The following DECR1 variants were observed in gnomAD, a reference collection of about 807,000 sequenced individuals.
DECR1 encodes the protein 2,4-dienoyl-CoA reductase 1.
In DECR1, 44 loss-of-function variants were observed where a neutral mutation model predicts 38.8. The ratio of observed to expected loss-of-function variants is 1.13; its 90% CI spans 0.89 to 1.46. DECR1 has a LOEUF of 1.46. DECR1 is among the 40% of genes most tolerant of loss of function. The pLI is 0.00. For synonymous variants in DECR1, 148 were observed against 135.2 expected, an observed-to-expected ratio of 1.09 and a Z score of -0.66; for missense variants, 428 against 405.5, an observed-to-expected ratio of 1.06 and a Z score of -0.48.
In DECR1 at chr8:90,036,959, A is replaced by G. The variant is rs1384230876; in HGVS notation, c.665+19A>G. The G allele has an allele frequency of 6.4e-7, 1 of 1,562,190 alleles. No homozygotes were observed. Among genetic ancestry groups the G allele is most frequent in the Non-Finnish European group, 8.8e-7 (1 of 1,134,224 alleles). On this transcript the variant is annotated intron_variant, in intron 6 of 9. Coordinates refer to ENST00000220764, the MANE Select transcript of DECR1 (RefSeq NM_001359.2). ...TGAGCAAGTAAGTACTTCCTTGTCAATCCTGTTGCTGAACATAACTAATAC... is the reference window on the plus strand; with the variant it reads ...TGAGCAAGTAAGTACTTCCTTGTCAGTCCTGTTGCTGAACATAACTAATAC...
At chr8:90,043,765 G>T (rs1255116246) in intron 7 of DECR1, among the ~76,000 whole-genome samples, 22 of 152,142 alleles carry the variant, frequency 1.4e-4, no homozygotes, top group Admixed American at 1.4e-3. Flanking sequence ...ATACTAAACA[G>T]TCTAATAAAA....
chr8:90,012,984 G>A (rs1812923245), intron 1 of DECR1, among the ~76,000 whole-genome samples: 1 of 152,214 alleles, frequency 6.6e-6, no homozygotes, highest in Non-Finnish European at 1.5e-5. Context: ...GGCTTGGTAA[G>A]TGTAGAGTTT....
Position 90,022,362 on chromosome 8 carries a change from TCTGCTCACATACATACACTAATAGCTTC to T in DECR1, c.565+1308_565+1335del, listed in dbSNP as rs1813184983. Among the ~76,000 whole-genome samples, 5 of 152,314 alleles carry T rather than the reference TCTGCTCACATACATACACTAATAGCTTC, an allele frequency of 3.3e-5. No individual in the cohort carries two copies. In the South Asian group the frequency reaches 1.0e-3, roughly 32 times the overall value. On this transcript the variant is annotated intron_variant, in intron 5 of 9. Transcript: ENST00000220764. ...GGCACTAGCTCTGTGTGTGTGTGTG[TCTGCTCACATACATACACTAATAGCTTC>T]CATCCTTTCTATGCACTCATTGAAA...
rs529665680 is a variant in DECR1 at position 90,029,718 on chromosome 8, G to A, written c.566-7123G>A. On this transcript the variant is annotated intron_variant, in intron 5 of 9. Coordinates refer to ENST00000220764, the MANE Select transcript of DECR1 (RefSeq NM_001359.2). ...CCTGATGTGTGAACCGTAAACACAA[G>A]AATAAATTTCAAAACATTCCTTTTT... Among the ~76,000 whole-genome samples the A allele has an allele frequency of 5.3e-5, 8 of 152,266 alleles. No homozygotes were observed. In the South Asian group the frequency reaches 1.7e-3, roughly 32 times the overall value.
At chr8:90,018,682 A>G (rs1805866) in intron 2 of DECR1, 16,019 of 421,016 alleles carry the variant, frequency 0.038, 1,771 homozygotes, top group African/African-American at 0.26. Context: ...GTGAGTAGAT[A>G]ATGTTAAAGT....
intron 8 of DECR1, among the ~76,000 whole-genome samples, chr8:90,050,228 G>A (rs1219571861): frequency 6.6e-6 from 1 of 152,202 alleles, no homozygotes; most frequent in Non-Finnish European, 1.5e-5. Context: ...ACTACCATCA[G>A]AGTGAACAGG....
chr8:90,005,237 G>A (rs1222920701), intron 1 of DECR1: 1 of 439,510 alleles, frequency 2.3e-6, no homozygotes, highest in African/African-American at 2.0e-5. Flanking sequence ...TGGGGGACAG[G>A]GTATGGTGGG....
intron 5 of DECR1, 89 bp downstream of exon 5, chr8:90,021,145 GAC>G (rs1489008280): frequency 4.9e-6 from 5 of 1,025,568 alleles, no homozygotes; most frequent in South Asian, 4.0e-5. Context: ...AAGTCAATGA[GAC>G]AGTCTACACT....
chr8:90,044,742 G>T, intron 7 of DECR1, 107 bp from the exon 8 acceptor site: 1 of 1,187,490 alleles, frequency 8.4e-7, no homozygotes, highest in South Asian at 1.7e-5. Context: ...AAAGCCTAAG[G>T]TTTTAAGCTG....
intron 5 of DECR1, among the ~76,000 whole-genome samples, chr8:90,025,732 G>T (rs1813317530): frequency 1.3e-5 from 2 of 152,012 alleles, no homozygotes; most frequent in South Asian, 2.1e-4. Flanking sequence ...CTGCCTGATT[G>T]CCCTGGCCAG....
At chr8:90,045,113 AGTTG>A in intron 8 of DECR1, 118 bp downstream of exon 8, 1 of 838,388 alleles carries the variant, frequency 1.2e-6, no homozygotes, top group Non-Finnish European at 1.9e-6. Flanking sequence ...ATATGTATTT[AGTTG>A]TAAATAATAT....
At position 90,052,065 on chromosome 8, in the gene DECR1, A is replaced by G; in HGVS notation, c.*168A>G. On this transcript the variant is annotated 3_prime_UTR_variant, in exon 10 of 10. Coordinates refer to ENST00000220764, the MANE Select transcript of DECR1 (RefSeq NM_001359.2). ...AGCCATTGTATATTCAAAGATAAAT[A>G]AAATGAAATATAGTCCTTCAAAACA... 1.7e-6 allele frequency: 1 copy of G among 597,044 alleles called. No individual in the cohort carries two copies. The highest frequency in any genetic ancestry group is 2.8e-6 in the Non-Finnish European group (1 of 351,504). The allele number at this position is 597,044 out of a possible 1,614,324, so 37.0% of individuals were successfully genotyped here.
At chr8:90,041,117 A>G (rs893620759) in intron 6 of DECR1, among the ~76,000 whole-genome samples, 16 of 152,254 alleles carry the variant, frequency 1.1e-4, no homozygotes, top group African/African-American at 3.6e-4. Context: ...CTATTTCTCC[A>G]CATCCTCTCC....
At chr8:90,022,956 A>T (rs1813202629) in intron 5 of DECR1, among the ~76,000 whole-genome samples, 1 of 152,162 alleles carries the variant, frequency 6.6e-6, no homozygotes, top group African/African-American at 2.4e-5. Context: ...TAAAAGATGG[A>T]AGCCAGTTTT....
At chr8:90,010,403 G>A (rs141984195) in intron 1 of DECR1, among the ~76,000 whole-genome samples, 1 of 152,316 alleles carries the variant, frequency 6.6e-6, no homozygotes, top group Non-Finnish European at 1.5e-5. Context: ...GATACCTCCA[G>A]CTAAGGACCA....
chr8:90,008,713 G>C (rs1812805306), intron 1 of DECR1, among the ~76,000 whole-genome samples: 1 of 152,144 alleles, frequency 6.6e-6, no homozygotes, highest in Non-Finnish European at 1.5e-5. Context: ...CACATTCTAT[G>C]CATGGAATAA....
intron 6 of DECR1, among the ~76,000 whole-genome samples, chr8:90,038,227 A>G (rs1338084129): frequency 6.6e-6 from 1 of 152,096 alleles, no homozygotes; most frequent in Non-Finnish European, 1.5e-5. Context: ...CCCTAAACTT[A>G]CCATACAGCT....
chr8:90,036,996 C>T (rs1421052284), intron 6 of DECR1, 56 bp downstream of exon 6: 2 of 1,259,552 alleles, frequency 1.6e-6, no homozygotes, highest in Non-Finnish European at 1.2e-6. Context: ...GTTGGTGGCT[C>T]AGGGAACTGT....
rs758128709 is a variant in DECR1 at position 90,036,927 on chromosome 8, G to A, written c.652G>A (p.Glu218Lys). 1 of 1,612,328 alleles carries A rather than the reference G, an allele frequency of 6.2e-7. No individual in the cohort carries two copies. The highest frequency in any genetic ancestry group is 2.2e-5 in the East Asian group (1 of 44,850). The change falls in exon 6 of 10, where the codon GAA becomes AAA. Residue 218 changes from glutamate (E) to lysine (K), a missense_variant. By Grantham distance (56) the Glu-to-Lys change is moderately conservative (BLOSUM62 1). Coordinates refer to ENST00000220764, the MANE Select transcript of DECR1 (RefSeq NM_001359.2). ...VPSASAKAGVEAMSKSLAAEW... is the reference protein window; with the variant it reads ...VPSASAKAGVKAMSKSLAAEW... ...AAGTGCTTCTGCCAAAGCAGGTGTG[G>A]AAGCCATGAGCAAGTAAGTACTTCC...
Sources: allele counts gnomAD v4.1 joint callset (sites outside exome capture counted in the v4.1 genomes callset), GRCh38; gene constraint gnomAD v4.1.1; transcripts MANE v1.5; gene names NCBI Gene and HGNC (gene_info 2026-07-23, HGNC 2026-07-21).